PRKCQ: variants seen among roughly 807,000 people sequenced by gnomAD.
The protein encoded by PRKCQ is protein kinase C theta.
Under a neutral mutation model 91.2 loss-of-function variants are expected in PRKCQ, and 41 were observed. The observed-to-expected ratio is 0.45, with a 90% CI of 0.35 to 0.58. PRKCQ has a LOEUF of 0.58. Among genes scored for constraint, PRKCQ ranks in the 20% least tolerant of loss-of-function variants. PRKCQ has a pLI of 0.00. For missense variants in PRKCQ, 673 were observed against 896.5 expected, an observed-to-expected ratio of 0.75 and a Z score of 3.18; for synonymous variants, 307 against 316.9, an observed-to-expected ratio of 0.97 and a Z score of 0.33.
At position 6,428,381 on chromosome 10, in the gene PRKCQ, G is replaced by C. The variant is rs753293051; in HGVS notation, c.1966-19C>G. The C allele has an allele frequency of 6.2e-7, 1 of 1,604,460 alleles. No homozygotes were observed. Among genetic ancestry groups the C allele is most frequent in the Non-Finnish European group, 8.5e-7 (1 of 1,175,146 alleles). ...GTGATTTCTTAGTCAGAGTTTAAGG[G>C]AAGAAAGAAAGAGAAGAAAAATCAG... On this transcript the variant is annotated intron_variant, in intron 17 of 17. Transcript: ENST00000263125.
rs747534096 is a variant in PRKCQ at position 6,497,271 on chromosome 10, G to C, written c.543-20C>G. 6.2e-7 allele frequency: 1 copy of C among 1,614,042 alleles called. No individual in the cohort carries two copies. Among genetic ancestry groups the C allele is most frequent in the South Asian group, 1.1e-5 (1 of 91,048 alleles). On this transcript the variant is annotated intron_variant, in intron 5 of 17. Coordinates refer to ENST00000263125, the MANE Select transcript of PRKCQ (RefSeq NM_006257.5). This position sits in a 1 kb window ranked among gnomAD's most constrained non-coding sequence, Gnocchi z 4.5. Reference sequence around the variant, plus strand: ...AGGCCCCTGTAATAAAGCACACGCTGATTTATTTCAATGTTGGCATCAACA... The same window carrying C: ...AGGCCCCTGTAATAAAGCACACGCTCATTTATTTCAATGTTGGCATCAACA...
chr10:6,398,041 G>A, the PRKCQ span, among the ~76,000 whole-genome samples: 1 of 152,160 alleles, frequency 6.6e-6, no homozygotes, highest in Non-Finnish European at 1.5e-5. Flanking sequence ...CATCCATTTT[G>A]AGCTGCTTTT....
chr10:6,446,682 A>G (rs1340708251), intron 15 of PRKCQ, among the ~76,000 whole-genome samples: 2 of 152,030 alleles, frequency 1.3e-5, no homozygotes, highest in African/African-American at 4.8e-5. Flanking sequence ...CAATTTTTAA[A>G]GAGACTGTGG....
chr10:6,500,677 G>T (rs899341281), intron 4 of PRKCQ, among the ~76,000 whole-genome samples: 2 of 151,668 alleles, frequency 1.3e-5, no homozygotes, highest in African/African-American at 4.8e-5. Context: ...TCTATTTACT[G>T]GTTTGAATGA....
At chr10:6,439,861 G>T (rs1833879701) in intron 16 of PRKCQ, among the ~76,000 whole-genome samples, 1 of 152,126 alleles carries the variant, frequency 6.6e-6, no homozygotes, top group Non-Finnish European at 1.5e-5. Flanking sequence ...TTGCATAGGA[G>T]GTTGGCTCCT....
chr10:6,519,230 A>T (rs1838901977), intron 1 of PRKCQ, among the ~76,000 whole-genome samples: 1 of 152,138 alleles, frequency 6.6e-6, no homozygotes, highest in African/African-American at 2.4e-5. Flanking sequence ...TGTAGACAAA[A>T]ATATGTGCTG....
chr10:6,482,060 G>T (rs531272823), intron 11 of PRKCQ, among the ~76,000 whole-genome samples: 1 of 150,386 alleles, frequency 6.6e-6, no homozygotes, highest in Non-Finnish European at 1.5e-5. Context: ...GTGAGTGATG[G>T]AGACAACCCC....
chr10:6,485,342 G>A, intron 9 of PRKCQ, 73 bp from the exon 10 acceptor site: 1 of 1,157,694 alleles, frequency 8.6e-7, no homozygotes, highest in Middle Eastern at 2.1e-4. Flanking sequence ...GCTAACGATG[G>A]GGACAAAGGC....
chr10:6,404,765 A>G, the PRKCQ span, among the ~76,000 whole-genome samples: 3 of 86,262 alleles, frequency 3.5e-5, no homozygotes, highest in African/African-American at 1.5e-4. Flanking sequence ...CCTTCCTTCC[A>G]TCCTTTCTTC....
chr10:6,401,898 G>T, the PRKCQ span, among the ~76,000 whole-genome samples: 1 of 152,176 alleles, frequency 6.6e-6, no homozygotes. Context: ...CTCTAATCCT[G>T]CCTGGTCACT....
the PRKCQ span, among the ~76,000 whole-genome samples, chr10:6,415,448 ATATAT>A: frequency 1.9e-5 from 2 of 103,144 alleles, no homozygotes; most frequent in African/African-American, 7.4e-5. Flanking sequence ...ATATATATAT[ATATAT>A]ATACACTTAC....
At chr10:6,542,740 G>A (rs529630752) in intron 1 of PRKCQ, among the ~76,000 whole-genome samples, 16 of 152,174 alleles carry the variant, frequency 1.1e-4, no homozygotes, top group African/African-American at 3.4e-4. Context: ...TAAATTTGAC[G>A]TTACGAGGTC....
In PRKCQ at chr10:6,449,712, C is replaced by T. The variant is rs1392828569; in HGVS notation, c.1647+6962G>A. On this transcript the variant is annotated intron_variant, in intron 15 of 17. Coordinates refer to ENST00000263125, the MANE Select transcript of PRKCQ (RefSeq NM_006257.5). Reference sequence around the variant, plus strand: ...GGTCGGGTTACCCACAAAGGGAAGCCCGTCAGACTAACAGCTGATCTCTCG... The same window carrying T: ...GGTCGGGTTACCCACAAAGGGAAGCTCGTCAGACTAACAGCTGATCTCTCG... Among the ~76,000 whole-genome samples, 12 of 152,218 alleles carry T rather than the reference C, an allele frequency of 7.9e-5. No individual in the cohort carries two copies. The East Asian group carries it at 2.1e-3, about 27-fold the overall frequency.
chr10:6,517,558 C>A (rs1286392089), intron 1 of PRKCQ, among the ~76,000 whole-genome samples: 1 of 136,948 alleles, frequency 7.3e-6, no homozygotes, highest in Non-Finnish European at 1.5e-5. Flanking sequence ...CTTCTACATG[C>A]CAGAAAAAAA....
chr10:6,484,852 G>A (rs566672775), intron 10 of PRKCQ, among the ~76,000 whole-genome samples: 1 of 152,152 alleles, frequency 6.6e-6, no homozygotes, highest in African/African-American at 2.4e-5. Flanking sequence ...CAAATTTTAA[G>A]ACAGATTTAT....
intron 1 of PRKCQ, among the ~76,000 whole-genome samples, chr10:6,546,780 T>C (rs1355474387): frequency 4.6e-5 from 7 of 151,872 alleles, no homozygotes; most frequent in Non-Finnish European, 8.8e-5. Flanking sequence ...TGAATAGGAG[T>C]GGTGAGAGAG....
chr10:6,400,965 TTAAA>T, the PRKCQ span, among the ~76,000 whole-genome samples: 1 of 152,252 alleles, frequency 6.6e-6, no homozygotes, highest in Admixed American at 6.5e-5. Context: ...ACTTGCAAAA[TTAAA>T]TAATTCAAAT....
chr10:6,572,114 A>ACGACTGCCTTCCCAT (rs1841068618), intron 1 of PRKCQ, among the ~76,000 whole-genome samples: 1 of 152,206 alleles, frequency 6.6e-6, no homozygotes, highest in South Asian at 2.1e-4. Context: ...GGCATGACCA[A>ACGACTGCCTTCCCAT]CGACTGCCTT....
At chr10:6,446,133 T>A (rs1181853455) in intron 15 of PRKCQ, among the ~76,000 whole-genome samples, 5 of 152,150 alleles carry the variant, frequency 3.3e-5, no homozygotes, top group Non-Finnish European at 5.9e-5. Context: ...TTATGTCTTT[T>A]ATTGATAAGA....
Sources: gnomAD v4.1 joint callset for allele counts (sites outside exome capture counted in the v4.1 genomes callset) on GRCh38, gnomAD v4.1.1 for gene constraint, Gnocchi (gnomAD v3.1) non-coding constraint, MANE v1.5 for transcripts, NCBI Gene and HGNC (gene_info 2026-07-23, HGNC 2026-07-21) for gene names.